The following MYO1E variants were observed in gnomAD, a reference collection of about 807,000 sequenced individuals.
MYO1E encodes unconventional myosin-Ie.
A neutral mutation model predicts 151.1 loss-of-function variants in MYO1E; 68 were observed. That is an observed-to-expected ratio of 0.45 (90% CI 0.37 to 0.55). The LOEUF (loss-of-function observed/expected upper bound fraction) is 0.55. MYO1E is among the 20% of genes least tolerant of loss of function. The pLI, the probability that MYO1E is intolerant of heterozygous loss-of-function variation, is 0.00. For missense variants in MYO1E, 1,363 were observed against 1,389.3 expected (o/e 0.98, Z 0.30); for synonymous variants, 601 against 501.7 (o/e 1.20, Z -2.64).
chr15:59,182,722 G>C (rs550542983), intron 18 of MYO1E, among the ~76,000 whole-genome samples: 1 of 152,338 alleles, frequency 6.6e-6, no homozygotes, highest in African/African-American at 2.4e-5. Context: ...GTGCGGCACA[G>C]CGTAAAGTAC....
At chr15:59,169,816 C>A (rs1412423758) in intron 22 of MYO1E, among the ~76,000 whole-genome samples, 3 of 152,084 alleles carry the variant, frequency 2.0e-5, no homozygotes, top group Non-Finnish European at 4.4e-5. Flanking sequence ...GCTTGACAAC[C>A]CCCTCAAGGA....
intron 22 of MYO1E, among the ~76,000 whole-genome samples, chr15:59,169,696 C>G (rs2140314786): frequency 1.3e-5 from 2 of 152,270 alleles, no homozygotes; most frequent in East Asian, 1.9e-4. Context: ...GAAAAAGAAG[C>G]TGGTGCTCCC....
intron 16 of MYO1E, among the ~76,000 whole-genome samples, chr15:59,201,660 TC>T (rs1158021013): frequency 6.6e-6 from 1 of 152,188 alleles, no homozygotes; most frequent in Non-Finnish European, 1.5e-5. Context: ...CGCCTCAGCC[TC>T]CCAAAGTGCT....
chr15:59,147,242 A>G (rs149534046), intron 26 of MYO1E, among the ~76,000 whole-genome samples: 2 of 152,330 alleles, frequency 1.3e-5, no homozygotes, highest in African/African-American at 4.8e-5. Context: ...TGCCCTAGCA[A>G]TGTCCATCCT....
At chr15:59,231,908 CGT>C in intron 5 of MYO1E, 117 bp from the exon 6 acceptor site, 1 of 904,696 alleles carries the variant, frequency 1.1e-6, no homozygotes, top group Non-Finnish European at 1.8e-6. Flanking sequence ...GCCCCACACC[CGT>C]GTGTCACTGG....
chr15:59,335,133 A>G (rs1441320925), intron 1 of MYO1E, among the ~76,000 whole-genome samples: 1 of 152,238 alleles, frequency 6.6e-6, no homozygotes, highest in Non-Finnish European at 1.5e-5. Flanking sequence ...TGTGGCATCT[A>G]AGCCTACTCA....
At chr15:59,276,904 C>T (rs2080322300) in intron 1 of MYO1E, among the ~76,000 whole-genome samples, 1 of 152,320 alleles carries the variant, frequency 6.6e-6, no homozygotes, top group East Asian at 1.9e-4. Context: ...GAGACAGCCC[C>T]AGGGTAGGCC....
At chr15:59,170,413 C>A (rs1303029708) in intron 22 of MYO1E, among the ~76,000 whole-genome samples, 3 of 152,222 alleles carry the variant, frequency 2.0e-5, no homozygotes, top group Middle Eastern at 3.4e-3. Flanking sequence ...ATGGCAGGGC[C>A]CCATGCAATG....
At chr15:59,190,470 T>C (rs1328932271) in intron 17 of MYO1E, among the ~76,000 whole-genome samples, 1 of 152,180 alleles carries the variant, frequency 6.6e-6, no homozygotes, top group Non-Finnish European at 1.5e-5. Context: ...CATTTCCAAT[T>C]AAGTCTCATA....
intron 6 of MYO1E, 74 bp downstream of exon 6, chr15:59,231,628 G>A (rs2140354917): frequency 6.8e-7 from 1 of 1,473,212 alleles, no homozygotes; most frequent in East Asian, 2.3e-5. Flanking sequence ...ATTTCCTGTG[G>A]GATACTAGAC....
intron 6 of MYO1E, among the ~76,000 whole-genome samples, chr15:59,228,429 C>T (rs1298127397): frequency 1.3e-5 from 2 of 152,114 alleles, no homozygotes; most frequent in African/African-American, 4.8e-5. Context: ...GAGATCATGC[C>T]ACTGAACTCC....
At chr15:59,198,472 T>C (rs74583283) in intron 16 of MYO1E, among the ~76,000 whole-genome samples, 2,779 of 152,214 alleles carry the variant, frequency 0.018, 98 homozygotes, top group African/African-American at 0.062. Flanking sequence ...CTAAGTAGGT[T>C]GAACTAGAAG....
chr15:59,196,436 G>A (rs1165139072), intron 16 of MYO1E, among the ~76,000 whole-genome samples: 10 of 152,078 alleles, frequency 6.6e-5, no homozygotes, highest in African/African-American at 2.4e-4. Flanking sequence ...TGGGTCCAAG[G>A]ATGTGGCACA....
intron 18 of MYO1E, among the ~76,000 whole-genome samples, chr15:59,186,321 CCTAAATAAGAA>C (rs2140324427): frequency 6.6e-6 from 1 of 151,746 alleles, no homozygotes; most frequent in East Asian, 1.9e-4. Context: ...AAACAACAGC[CCTAAATAAGAA>C]CTGTCTTATT....
At chr15:59,324,360 A>C (rs986464338) in intron 1 of MYO1E, among the ~76,000 whole-genome samples, 4 of 152,196 alleles carry the variant, frequency 2.6e-5, no homozygotes, top group African/African-American at 7.2e-5. Context: ...AAAGGGGGCC[A>C]CCCCTCGCCT....
chr15:59,297,538 C>T (rs2080457933), intron 1 of MYO1E, among the ~76,000 whole-genome samples: 1 of 150,102 alleles, frequency 6.7e-6, no homozygotes. Context: ...CTGCCTCAGC[C>T]TCCCAAAGTG....
intron 19 of MYO1E, among the ~76,000 whole-genome samples, chr15:59,174,922 G>A (rs576275957): frequency 2.6e-5 from 4 of 152,054 alleles, no homozygotes; most frequent in African/African-American, 7.2e-5. Flanking sequence ...TTGAGAGTCC[G>A]GCCATTTTAC....
At chr15:59,196,100 T>A (rs1038177401) in intron 16 of MYO1E, among the ~76,000 whole-genome samples, 30 of 152,330 alleles carry the variant, frequency 2.0e-4, no homozygotes, top group African/African-American at 6.7e-4. Context: ...GGGAGATTCA[T>A]AAAAATCTGA....
Position 59,208,799 on chromosome 15 carries a change from T to G in MYO1E, c.1412A>C (p.His471Pro). ...SILDDVCATMHAVGEGADQTL... is the reference protein window; with the variant it reads ...SILDDVCATMPAVGEGADQTL... ...CTGATCTGCCCCCTCACCCACCGCA[T>G]GCATCGTGGCGCACACGTCATCCAG... Residue 471 changes from histidine (H) to proline (P), a missense_variant, in exon 14 of 28, where the codon CAT becomes CCT. Transcript: ENST00000288235. The G allele has an allele frequency of 6.2e-7, 1 of 1,614,232 alleles. No homozygotes were observed. The highest frequency in any genetic ancestry group is 8.5e-7 in the Non-Finnish European group (1 of 1,180,038).
Sources: allele counts gnomAD v4.1 joint callset (sites outside exome capture counted in the v4.1 genomes callset), GRCh38; gene constraint gnomAD v4.1.1; transcripts MANE v1.5; gene names NCBI Gene and HGNC (gene_info 2026-07-23, HGNC 2026-07-21).